RPS6KC1: variants seen among roughly 807,000 people sequenced by gnomAD.
The protein encoded by RPS6KC1 is ribosomal protein S6 kinase C1.
RPS6KC1 carries 54 observed loss-of-function variants against 103.8 expected under a neutral mutation model. The ratio of observed to expected loss-of-function variants is 0.52; its 90% CI spans 0.42 to 0.65. The LOEUF (loss-of-function observed/expected upper bound fraction) is 0.65, where lower values mean the gene tolerates loss of function less well. Ranked by LOEUF, RPS6KC1 falls within the 30% of genes least tolerant of loss-of-function variation. RPS6KC1 has a pLI of 0.00. For synonymous variants in RPS6KC1, 439 were observed against 438.7 expected, an observed-to-expected ratio of 1.00 and a Z score of -0.01; for missense variants, 1,151 against 1,253.8, an observed-to-expected ratio of 0.92 and a Z score of 1.24.
At chr1:213,514,063 A>G in the RPS6KC1 span, among the ~76,000 whole-genome samples, 3 of 152,292 alleles carry the variant, frequency 2.0e-5, no homozygotes, top group East Asian at 5.8e-4. Flanking sequence ...TACTGTTCTC[A>G]GAATGCCTTT....
the RPS6KC1 span, among the ~76,000 whole-genome samples, chr1:213,379,932 C>A: frequency 6.6e-6 from 1 of 152,084 alleles, no homozygotes; most frequent in Non-Finnish European, 1.5e-5. Context: ...CCTCAAAGAC[C>A]TAAAGACAGA....
the RPS6KC1 span, among the ~76,000 whole-genome samples, chr1:213,571,755 T>C: frequency 1.3e-5 from 2 of 152,178 alleles, no homozygotes. Context: ...ACTTTTGAGA[T>C]GGAGAATCCA....
chr1:213,161,302 C>T (rs1300057919), intron 6 of RPS6KC1, among the ~76,000 whole-genome samples: 2 of 151,926 alleles, frequency 1.3e-5, no homozygotes, highest in African/African-American at 2.4e-5. Context: ...GTGATATAGT[C>T]TGAGAGTATT....
intron 8 of RPS6KC1, among the ~76,000 whole-genome samples, chr1:213,223,701 C>A (rs1440071012): frequency 6.6e-6 from 1 of 152,106 alleles, no homozygotes; most frequent in Non-Finnish European, 1.5e-5. Flanking sequence ...CATATAATGA[C>A]TTCTTTTTCT....
At position 213,167,845 on chromosome 1, in the gene RPS6KC1, C is replaced by T; in HGVS notation, c.836-13C>T. ...AAAATTTATTTTTTACATGTCCAGA[C>T]TTTTTTTTTTAGGAGAGTCAAGCCC... On this transcript the variant is annotated splice_polypyrimidine_tract_variant and intron_variant, in intron 6 of 14. Coordinates refer to ENST00000366960, the MANE Select transcript of RPS6KC1 (RefSeq NM_012424.6). 7.7e-7 allele frequency: 1 copy of T among 1,291,450 alleles called. No individual in the cohort carries two copies. The highest frequency in any genetic ancestry group is 1.1e-6 in the Non-Finnish European group (1 of 944,368). 80.0% of individuals were successfully genotyped at this position (1,291,450 alleles called of 1,614,324 possible). A position where few individuals can be genotyped will look rare whatever the true frequency, so the allele number is the denominator to read the frequency against.
At chr1:213,204,730 CCTT>C (rs965989859) in intron 8 of RPS6KC1, among the ~76,000 whole-genome samples, 2 of 149,612 alleles carry the variant, frequency 1.3e-5, no homozygotes, top group African/African-American at 4.9e-5. Flanking sequence ...CTCAAGGAAT[CCTT>C]CTACTTCAGC....
chr1:213,498,486 G>A, the RPS6KC1 span, among the ~76,000 whole-genome samples: 2 of 152,054 alleles, frequency 1.3e-5, no homozygotes, highest in Non-Finnish European at 2.9e-5. Flanking sequence ...ATGGAGTCTC[G>A]CTCTGTCGCC....
the RPS6KC1 span, among the ~76,000 whole-genome samples, chr1:213,804,437 G>T: frequency 6.6e-6 from 1 of 152,068 alleles, no homozygotes; most frequent in African/African-American, 2.4e-5. Context: ...TCAGGCTTTT[G>T]CACTGGCCAT....
intron 3 of RPS6KC1, among the ~76,000 whole-genome samples, chr1:213,094,852 T>A (rs2081310930): frequency 6.6e-6 from 1 of 152,244 alleles, no homozygotes. Flanking sequence ...TAAACATTGT[T>A]CAAGTCACAA....
At chr1:213,673,281 T>A in the RPS6KC1 span, among the ~76,000 whole-genome samples, 1 of 152,198 alleles carries the variant, frequency 6.6e-6, no homozygotes, top group Non-Finnish European at 1.5e-5. Flanking sequence ...AGTAGTTAAG[T>A]TGTCTCTGGA....
the RPS6KC1 span, among the ~76,000 whole-genome samples, chr1:213,395,128 T>A: frequency 1.3e-5 from 2 of 152,194 alleles, 1 homozygote; most frequent in Admixed American, 1.3e-4. Flanking sequence ...ACATGGAATG[T>A]CATGGGTCTG....
At chr1:213,331,842 C>G in the RPS6KC1 span, among the ~76,000 whole-genome samples, 4 of 152,082 alleles carry the variant, frequency 2.6e-5, no homozygotes, top group African/African-American at 9.7e-5. Context: ...AGCTCATGGC[C>G]TCTCTGCTGG....
the RPS6KC1 span, among the ~76,000 whole-genome samples, chr1:213,771,677 C>T: frequency 6.6e-6 from 1 of 152,232 alleles, no homozygotes; most frequent in African/African-American, 2.4e-5. Flanking sequence ...ATACACAAAA[C>T]ACCTTTATAT....
the RPS6KC1 span, among the ~76,000 whole-genome samples, chr1:213,714,125 C>T: frequency 6.6e-6 from 1 of 152,292 alleles, no homozygotes; most frequent in East Asian, 1.9e-4. Flanking sequence ...TCTCTGTGAC[C>T]TTATGTAAAT....
At chr1:213,816,088 C>T in the RPS6KC1 span, among the ~76,000 whole-genome samples, 11,585 of 152,148 alleles carry the variant, frequency 0.076, 1,388 homozygotes, top group African/African-American at 0.26. Context: ...TGATTATGTT[C>T]GCTGTCTTAC....
At chr1:213,290,793 A>G in the RPS6KC1 span, among the ~76,000 whole-genome samples, 2 of 152,198 alleles carry the variant, frequency 1.3e-5, no homozygotes, top group Non-Finnish European at 2.9e-5. Context: ...AAACGCAGGC[A>G]TGAACTTATT....
At chr1:213,398,642 A>T in the RPS6KC1 span, among the ~76,000 whole-genome samples, 1 of 152,018 alleles carries the variant, frequency 6.6e-6, no homozygotes, top group Non-Finnish European at 1.5e-5. Context: ...GTAATTATTC[A>T]TGTTTTCTCT....
At chr1:213,576,190 A>G in the RPS6KC1 span, among the ~76,000 whole-genome samples, 3 of 152,170 alleles carry the variant, frequency 2.0e-5, no homozygotes, top group East Asian at 1.9e-4. Context: ...AAAACAGTTT[A>G]AAAAGAACCT....
the RPS6KC1 span, among the ~76,000 whole-genome samples, chr1:213,368,264 A>ATTT: frequency 6.6e-6 from 1 of 150,640 alleles, no homozygotes; most frequent in Non-Finnish European, 1.5e-5. Context: ...TCACAGCATG[A>ATTT]AGGGGCTTTA....
Sources: gnomAD v4.1 joint callset for allele counts (sites outside exome capture counted in the v4.1 genomes callset) on GRCh38, gnomAD v4.1.1 for gene constraint, MANE v1.5 for transcripts, NCBI Gene and HGNC (gene_info 2026-07-23, HGNC 2026-07-21) for gene names.